CD96: variants seen among roughly 807,000 people sequenced by gnomAD.
The protein encoded by CD96 is T-cell surface protein tactile.
Under a neutral mutation model 71.3 loss-of-function variants are expected in CD96, and 70 were observed. That is an observed-to-expected ratio of 0.98 (90% CI 0.81 to 1.20). The LOEUF (loss-of-function observed/expected upper bound fraction) is 1.20. CD96 is among the 50% of genes most tolerant of loss of function. The pLI is 0.00. For missense variants in CD96, 742 were observed against 677.5 expected (o/e 1.10, Z -1.06); for synonymous variants, 248 against 233.0 (o/e 1.06, Z -0.59).
intron 8 of CD96, among the ~76,000 whole-genome samples, chr3:111,613,685 A>T (rs564841558): frequency 2.0e-5 from 3 of 152,260 alleles, no homozygotes; most frequent in African/African-American, 7.2e-5. Flanking sequence ...TTGTCCAGAA[A>T]CTAGATGGCT....
chr3:111,621,352 G>A (rs769121578), intron 8 of CD96, among the ~76,000 whole-genome samples: 7 of 152,194 alleles, frequency 4.6e-5, no homozygotes, highest in Middle Eastern at 3.2e-3. Context: ...CAGCATGAGA[G>A]AGAGAAGGTA....
In CD96 at chr3:111,550,483, G is replaced by A. The variant is rs543625322; in HGVS notation, c.418+5081G>A. 3.9e-5 allele frequency among the ~76,000 whole-genome samples: 6 copies of A among 151,934 alleles called. No homozygotes were observed. The South Asian group carries it at 1.2e-3, about 32-fold the overall frequency. On this transcript the variant is annotated intron_variant, in intron 2 of 13. Coordinates refer to ENST00000352690, the MANE Select transcript of CD96 (RefSeq NM_005816.5). ...CAAAGTTAATGGGCAGGATCTAGTTGAAAAAGGGTAGTTAAATACACAGTA... is the reference window on the plus strand; with the variant it reads ...CAAAGTTAATGGGCAGGATCTAGTTAAAAAAGGGTAGTTAAATACACAGTA...
chr3:111,584,490 C>G (rs1272090966), intron 4 of CD96, among the ~76,000 whole-genome samples: 2 of 152,142 alleles, frequency 1.3e-5, no homozygotes, highest in Non-Finnish European at 2.9e-5. Context: ...TCTGTTTTCA[C>G]ACTGCTGATA....
intron 3 of CD96, among the ~76,000 whole-genome samples, chr3:111,569,414 A>G (rs1935871213): frequency 6.6e-6 from 1 of 152,214 alleles, no homozygotes; most frequent in South Asian, 2.1e-4. Context: ...TAGGCCTATC[A>G]TTAGGATGAG....
At chr3:111,585,921 GGTAGTTACCAGCCT>G (rs962803365) in intron 5 of CD96, among the ~76,000 whole-genome samples, 7 of 152,092 alleles carry the variant, frequency 4.6e-5, no homozygotes, top group African/African-American at 1.7e-4. Context: ...TCTTCTGGGT[GGTAGTTACCAGCCT>G]GTAGTCACTA....
At chr3:111,645,333 G>C (rs977335940) in intron 12 of CD96, among the ~76,000 whole-genome samples, 1 of 152,036 alleles carries the variant, frequency 6.6e-6, no homozygotes, top group Admixed American at 6.6e-5. Context: ...AGGACGCAAA[G>C]ACATAAGAAT....
intron 10 of CD96, among the ~76,000 whole-genome samples, chr3:111,630,807 A>G (rs1275321306): frequency 1.3e-5 from 2 of 152,216 alleles, no homozygotes; most frequent in Non-Finnish European, 2.9e-5. Flanking sequence ...AAGCTTATCC[A>G]CCATGATCAA....
intron 10 of CD96, among the ~76,000 whole-genome samples, chr3:111,632,611 T>C (rs1939124263): frequency 6.6e-6 from 1 of 152,186 alleles, no homozygotes; most frequent in African/African-American, 2.4e-5. Context: ...AGCAATCCCA[T>C]TACTGAGTGT....
chr3:111,571,448 A>G (rs565127945), intron 3 of CD96, among the ~76,000 whole-genome samples: 1 of 151,808 alleles, frequency 6.6e-6, no homozygotes, highest in Non-Finnish European at 1.5e-5. Flanking sequence ...TTGACAACTG[A>G]TGAGTCACCG....
intron 6 of CD96, among the ~76,000 whole-genome samples, chr3:111,598,481 T>C (rs1937355139): frequency 6.6e-6 from 1 of 152,224 alleles, no homozygotes; most frequent in Admixed American, 6.5e-5. Context: ...AAAAGGAATA[T>C]CTTAAATGAG....
intron 5 of CD96, chr3:111,593,730 T>G: frequency 6.2e-7 from 1 of 1,614,180 alleles, no homozygotes; most frequent in Non-Finnish European, 8.5e-7. Flanking sequence ...AGCACCTCCT[T>G]TTCCCTTTGG....
intron 8 of CD96, among the ~76,000 whole-genome samples, chr3:111,616,087 T>C (rs1198107033): frequency 1.3e-5 from 2 of 152,158 alleles, no homozygotes; most frequent in East Asian, 3.8e-4. Flanking sequence ...CCTGTTCCCC[T>C]TTTTTGGCTG....
intron 3 of CD96, among the ~76,000 whole-genome samples, chr3:111,569,260 G>GT (rs1559726151): frequency 3.7e-4 from 56 of 152,248 alleles, no homozygotes; most frequent in Admixed American, 1.0e-3. Context: ...GTATTTTTCA[G>GT]ATAGTAAATA....
At chr3:111,628,490 A>G (rs760384812) in intron 10 of CD96, among the ~76,000 whole-genome samples, 20 of 152,226 alleles carry the variant, frequency 1.3e-4, no homozygotes, top group Non-Finnish European at 2.5e-4. Flanking sequence ...ACAGAGTGAA[A>G]AAAATGAACA....
Position 111,606,124 on chromosome 3 carries a change from C to T in CD96, c.1088-576C>T, listed in dbSNP as rs76567341. 6.2e-3 allele frequency among the ~76,000 whole-genome samples: 942 copies of T among 152,198 alleles called. 2 individuals are homozygous for T. The highest frequency in any genetic ancestry group is 8.7e-3 in the African/African-American group (360 of 41,536). On this transcript the variant is annotated intron_variant, in intron 7 of 13. Transcript: ENST00000352690. ...TTCAACTCCCCCCAACACAGACACA[C>T]GCACGCACACACACAAAAGAAAAAG...
intron 14 of CD96, among the ~76,000 whole-genome samples, chr3:111,663,754 T>C (rs1940411621): frequency 6.7e-6 from 1 of 150,042 alleles, no homozygotes; most frequent in African/African-American, 2.5e-5. Flanking sequence ...CTTATACACT[T>C]TTTTTTTTTT....
chr3:111,545,421 G>A lies in CD96; in HGVS notation c.418+19G>A. On this transcript the variant is annotated intron_variant, in intron 2 of 13. Transcript: ENST00000352690. ...ACACACGGTAAGCATAACTGGTAGA[G>A]GGATGTGCTTTCATTCAGCTCTCTC... 1.4e-6 allele frequency: 2 copies of A among 1,424,022 alleles called. No individual in the cohort carries two copies. Among genetic ancestry groups the A allele is most frequent in the East Asian group, 2.3e-5 (1 of 43,960 alleles). 88.2% of individuals were successfully genotyped at this position (1,424,022 alleles called of 1,614,324 possible). A position where few individuals can be genotyped will look rare whatever the true frequency, so the allele number is the denominator to read the frequency against.
At position 111,649,867 on chromosome 3, in the gene CD96, T is replaced by A; in HGVS notation, c.*61T>A. 9.4e-7 allele frequency: 1 copy of A among 1,063,670 alleles called. No homozygotes were observed. The highest frequency in any genetic ancestry group is 1.5e-6 in the Non-Finnish European group (1 of 678,716). The allele number at this position is 1,063,670 out of a possible 1,614,324, so 65.9% of individuals were successfully genotyped here. ...GGAATCCTATTGAGAAGGTAGACAT[T>A]GTGCTTTATTAATATAGTCGCTCTT... is the stretch of plus-strand genomic sequence containing the variant. On this transcript the variant is annotated 3_prime_UTR_variant, in exon 14 of 14. Transcript: ENST00000352690.
chr3:111,552,916 A>G (rs1934790075), intron 2 of CD96, among the ~76,000 whole-genome samples: 1 of 152,188 alleles, frequency 6.6e-6, no homozygotes, highest in Admixed American at 6.5e-5. Flanking sequence ...AAAATTATAT[A>G]GAATAATTTC....
Sources: allele counts gnomAD v4.1 joint callset (sites outside exome capture counted in the v4.1 genomes callset), GRCh38; gene constraint gnomAD v4.1.1; transcripts MANE v1.5; gene names NCBI Gene and HGNC (gene_info 2026-07-23, HGNC 2026-07-21).